Variants in CCL11 observed in about 807,000 individuals in gnomAD.
CCL11 encodes the protein eotaxin.
CCL11 carries 7 observed loss-of-function variants against 7.3 expected under a neutral mutation model. The ratio of observed to expected loss-of-function variants is 0.96; its 90% CI spans 0.55 to 1.81. CCL11 has a LOEUF of 1.81. Ranked by LOEUF, CCL11 falls within the 40% of genes most tolerant of loss-of-function variation. The pLI, the probability that CCL11 is intolerant of heterozygous loss-of-function variation, is 0.00. For missense variants in CCL11, 132 were observed against 114.2 expected (o/e 1.16, Z -0.71); for synonymous variants, 66 against 45.2 (o/e 1.46, Z -1.84).
intron 1 of CCL11, 37 bp from the exon 2 acceptor site, chr17:34,287,059 T>C (rs766334928): frequency 2.1e-6 from 3 of 1,418,976 alleles, no homozygotes; most frequent in Non-Finnish European, 3.0e-6. Flanking sequence ...ATGTGGCTCA[T>C]TTTTTTCTCT....
intron 1 of CCL11, among the ~76,000 whole-genome samples, chr17:34,286,825 A>C (rs1908645644): frequency 6.6e-6 from 1 of 152,250 alleles, no homozygotes; most frequent in South Asian, 2.1e-4. Context: ...GTAGGTCTTT[A>C]TAATGACAGA....
At chr17:34,285,973 T>C (rs1908620149) in intron 1 of CCL11, 89 bp downstream of exon 1, 4 of 858,182 alleles carry the variant, frequency 4.7e-6, no homozygotes, top group African/African-American at 3.5e-5. Flanking sequence ...TCACTGCAAA[T>C]TCTCCATTTG....
Position 34,286,740 on chromosome 17 carries a change from G to C in CCL11, c.77-356G>C, listed in dbSNP as rs1040014748. 2.6e-5 allele frequency among the ~76,000 whole-genome samples: 4 copies of C among 152,200 alleles called. No homozygotes were observed. In the East Asian group the frequency reaches 7.7e-4, roughly 29 times the overall value. ...AACCAAACAAAAGTGGCCAAGAAAT[G>C]CAAGTCTACCTTGTGTCTCAAAACA... On this transcript the variant is annotated intron_variant, in intron 1 of 2. Coordinates refer to ENST00000305869, the MANE Select transcript of CCL11 (RefSeq NM_002986.3).
chr17:34,287,844 G>C lies in CCL11; in HGVS notation c.*154G>C. 3.3e-6 allele frequency: 1 copy of C among 300,414 alleles called. No homozygotes were observed. Among genetic ancestry groups the C allele is most frequent in the Non-Finnish European group, 5.9e-6 (1 of 169,288 alleles). 18.6% of individuals were successfully genotyped at this position (300,414 alleles called of 1,614,324 possible). On this transcript the variant is annotated 3_prime_UTR_variant, in exon 3 of 3. Coordinates refer to ENST00000305869, the MANE Select transcript of CCL11 (RefSeq NM_002986.3). ...TTTTTTTTTAAAAAAAAAACGTATTGCATTTAATTTATTGAGGCTTTAAAA... is the reference window on the plus strand; with the variant it reads ...TTTTTTTTTAAAAAAAAAACGTATTCCATTTAATTTATTGAGGCTTTAAAA...
chr17:34,287,030 G>T, intron 1 of CCL11, 66 bp from the exon 2 acceptor site: 1 of 1,047,678 alleles, frequency 9.5e-7, no homozygotes, highest in South Asian at 1.3e-5. Flanking sequence ...GTCATGCTTG[G>T]AAATGTCTAT....
At chr17:34,287,308 G>GT in intron 2 of CCL11, 101 bp downstream of exon 2, 3 of 831,254 alleles carry the variant, frequency 3.6e-6, no homozygotes, top group Non-Finnish European at 6.0e-6. Flanking sequence ...GACTCTGATA[G>GT]TTTGACCTCT....
intron 1 of CCL11, among the ~76,000 whole-genome samples, chr17:34,286,287 C>A (rs1388449148): frequency 6.6e-6 from 1 of 152,140 alleles, no homozygotes; most frequent in African/African-American, 2.4e-5. Context: ...AACGAGGTCC[C>A]AGGGGGATCT....
intron 2 of CCL11, 42 bp downstream of exon 2, chr17:34,287,249 T>A (rs559276662): frequency 8.0e-6 from 11 of 1,366,600 alleles, no homozygotes; most frequent in African/African-American, 1.4e-5. Context: ...AAAAAAATAA[T>A]GTCTAGGGCA....
In CCL11 at chr17:34,287,830, A is replaced by T. The variant is rs957883933; in HGVS notation, c.*140A>T. The T allele has an allele frequency of 6.9e-5, 20 of 290,836 alleles. No individual in the cohort carries two copies. Among genetic ancestry groups the T allele is most frequent in the African/African-American group, 3.9e-4 (13 of 33,114 alleles). The allele number at this position is 290,836 out of a possible 1,614,324, so 18.0% of individuals were successfully genotyped here. The stretch of plus-strand genomic sequence containing the variant: ...TATATATATATATTTTTTTTTTTAA[A>T]AAAAAAACGTATTGCATTTAATTTA... On this transcript the variant is annotated 3_prime_UTR_variant, in exon 3 of 3. Coordinates refer to ENST00000305869, the MANE Select transcript of CCL11 (RefSeq NM_002986.3).
chr17:34,286,818 G>T (rs1908645292), intron 1 of CCL11, among the ~76,000 whole-genome samples: 1 of 152,194 alleles, frequency 6.6e-6, no homozygotes, highest in South Asian at 2.1e-4. Flanking sequence ...TGGCCACGTA[G>T]GTCTTTATAA....
Position 34,285,770 on chromosome 17 carries a change from C to A in CCL11, c.-39C>A. The A allele has an allele frequency of 6.5e-7, 1 of 1,544,116 alleles. No individual in the cohort carries two copies. The highest frequency in any genetic ancestry group is 8.9e-7 in the Non-Finnish European group (1 of 1,125,566). On this transcript the variant is annotated 5_prime_UTR_variant, in exon 1 of 3. Transcript: ENST00000305869. ...GAGGCTGAGACCAACCCAGAAACCA[C>A]CACCTCTCACGCCAAAGCTCACACC...
chr17:34,286,414 G>T (rs906257537), intron 1 of CCL11, among the ~76,000 whole-genome samples: 9 of 152,238 alleles, frequency 5.9e-5, no homozygotes, highest in Non-Finnish European at 1.0e-4. Flanking sequence ...CACTGAGCCA[G>T]TGCATAGCAT....
chr17:34,287,506 A>G, intron 2 of CCL11, 79 bp from the exon 3 acceptor site: 3 of 998,798 alleles, frequency 3.0e-6, no homozygotes, highest in Non-Finnish European at 4.8e-6. Context: ...CCAGGGGCAG[A>G]TGGTCCTTAA....
chr17:34,286,915 C>G (rs1390509146), intron 1 of CCL11, among the ~76,000 whole-genome samples, 181 bp from the exon 2 acceptor site: 1 of 152,148 alleles, frequency 6.6e-6, no homozygotes, highest in Non-Finnish European at 1.5e-5. Flanking sequence ...GGGGAGGATG[C>G]TGAAGACACA....
At position 34,287,670 on chromosome 17, in the gene CCL11, T is replaced by C. The variant is rs1908678533; in HGVS notation, c.274T>C (p.Ser92Pro). 6.2e-7 allele frequency: 1 copy of C among 1,612,642 alleles called. No individual in the cohort carries two copies. The highest frequency in any genetic ancestry group is 1.1e-5 in the South Asian group (1 of 91,008). Residue 92 changes from serine (S) to proline (P), a missense_variant, in exon 3 of 3, where the codon TCT (serine) becomes CCT (proline). Ser to Pro is a moderately conservative substitution (Grantham distance 74). Transcript: ENST00000305869. The stretch of plus-strand genomic sequence containing the variant: ...TTCCATGAAGTATCTGGACCAAAAA[T>C]CTCCAACTCCAAAGCCATAAATAAT... ...QDSMKYLDQK[S>P]PTPKP
At position 34,287,578 on chromosome 17, in the gene CCL11, C is replaced by G. The variant is rs757660494; in HGVS notation, c.189-7C>G. The G allele has an allele frequency of 1.9e-6, 3 of 1,603,376 alleles. No homozygotes were observed. Among genetic ancestry groups the G allele is most frequent in the Non-Finnish European group, 2.6e-6 (3 of 1,170,324 alleles). The stretch of plus-strand genomic sequence containing the variant: ...ATCCTTCCAATTGCATCCTGTATCT[C>G]CCACAGCTTCAAGACCAAACTGGCC... On this transcript the variant is annotated splice_region_variant and splice_polypyrimidine_tract_variant and intron_variant, in intron 2 of 2. Transcript: ENST00000305869.
chr17:34,286,974 C>T (rs1029565881), intron 1 of CCL11, 122 bp from the exon 2 acceptor site: 17 of 664,928 alleles, frequency 2.6e-5, no homozygotes, highest in Non-Finnish European at 4.3e-5. Context: ...GGGATTCTCC[C>T]TCCACCTCTC....
chr17:34,286,071 C>A (rs773009467), intron 1 of CCL11, among the ~76,000 whole-genome samples, 187 bp downstream of exon 1: 1 of 152,194 alleles, frequency 6.6e-6, no homozygotes, highest in Non-Finnish European at 1.5e-5. Flanking sequence ...AGAAAGCTCC[C>A]GAGTCTTTTC....
intron 2 of CCL11, 55 bp from the exon 3 acceptor site, chr17:34,287,530 A>G (rs1463053400): frequency 8.5e-6 from 11 of 1,287,900 alleles, no homozygotes; most frequent in Non-Finnish European, 1.2e-5. Context: ...TTTAGGGTCA[A>G]ATGGGCAGAA....
Sources: allele counts gnomAD v4.1 joint callset (sites outside exome capture counted in the v4.1 genomes callset), GRCh38; gene constraint gnomAD v4.1.1; transcripts MANE v1.5; gene names NCBI Gene and HGNC (gene_info 2026-07-23, HGNC 2026-07-21).